Variants in TRABD2B observed in about 807,000 individuals in gnomAD.
TRABD2B encodes the protein metalloprotease TIKI2.
Under a neutral mutation model 40.1 loss-of-function variants are expected in TRABD2B, and 14 were observed. That is an observed-to-expected ratio of 0.35 (90% confidence interval 0.23 to 0.55). The LOEUF is 0.55. Ranked by LOEUF, TRABD2B falls within the 20% of genes least tolerant of loss-of-function variation. The probability of loss-of-function intolerance (pLI) is 0.90; values close to 1 mark genes in which losing one functional copy is unlikely to be tolerated. For synonymous variants in TRABD2B, 263 were observed against 277.0 expected, an observed-to-expected ratio of 0.95 and a Z score of 0.50; for missense variants, 541 against 648.6, an observed-to-expected ratio of 0.83 and a Z score of 1.80.
chr1:47,894,672 A>G (rs1570234887), intron 2 of TRABD2B, among the ~76,000 whole-genome samples: 1 of 152,350 alleles, frequency 6.6e-6, no homozygotes, highest in Non-Finnish European at 1.5e-5. Context: ...CATTGTGTCA[A>G]TTAGCACCCC....
At chr1:47,840,915 C>T (rs966349419) in intron 2 of TRABD2B, among the ~76,000 whole-genome samples, 1 of 152,204 alleles carries the variant, frequency 6.6e-6, no homozygotes, top group Non-Finnish European at 1.5e-5. Context: ...GCCTTTTTGA[C>T]CTTCTGAACC....
chr1:47,949,264 G>A (rs11211633), intron 2 of TRABD2B, among the ~76,000 whole-genome samples: 30,105 of 151,890 alleles, frequency 0.2, 3,391 homozygotes, highest in Admixed American at 0.26. Flanking sequence ...GGAAACTGAG[G>A]CCCAGAGAGC....
chr1:47,907,012 T>G (rs1644687761), intron 2 of TRABD2B, among the ~76,000 whole-genome samples: 1 of 152,160 alleles, frequency 6.6e-6, no homozygotes, highest in Non-Finnish European at 1.5e-5. Flanking sequence ...GGCGGTCTCC[T>G]GCCTGTACAT....
intron 2 of TRABD2B, among the ~76,000 whole-genome samples, chr1:47,944,251 GAA>G (rs762695622): frequency 1.4e-4 from 22 of 152,290 alleles, no homozygotes; most frequent in Admixed American, 2.6e-4. Context: ...TAGGTCCTAT[GAA>G]AAGAGAGCAA....
chr1:47,917,814 G>A (rs1016158058), intron 2 of TRABD2B, among the ~76,000 whole-genome samples: 8 of 152,144 alleles, frequency 5.3e-5, no homozygotes, highest in African/African-American at 1.9e-4. Context: ...AAATACTCCC[G>A]GATTCTTTAT....
At position 47,996,857 on chromosome 1, in the gene TRABD2B, C is replaced by G. The variant is rs1646100946; in HGVS notation, c.-68G>C. 1 of 1,156,046 alleles carries G rather than the reference C, an allele frequency of 8.7e-7. No homozygotes were observed. The highest frequency in any genetic ancestry group is 1.1e-6 in the Non-Finnish European group (1 of 939,736). 71.6% of individuals were successfully genotyped at this position (1,156,046 alleles called of 1,614,324 possible). A position where few individuals can be genotyped will look rare whatever the true frequency, so the allele number is the denominator to read the frequency against. On this transcript the variant is annotated 5_prime_UTR_variant, in exon 1 of 7. Transcript: ENST00000606738. This position sits in a 1 kb window ranked among gnomAD's most constrained non-coding sequence, Gnocchi z 4.6. ...GCCCCTCAGCGGGGCGGGGAGCCCC[C>G]AGTTGGGCACGGAGTTTCCTCTGGA... is the stretch of plus-strand genomic sequence containing the variant.
intron 2 of TRABD2B, among the ~76,000 whole-genome samples, chr1:47,959,067 AC>A (rs1255680650): frequency 2.0e-4 from 30 of 152,168 alleles, no homozygotes; most frequent in Admixed American, 2.0e-3. Context: ...CTCACTCAAA[AC>A]TGCTCAACTA....
chr1:47,839,689 T>C (rs188705496), intron 2 of TRABD2B, among the ~76,000 whole-genome samples: 214 of 152,210 alleles, frequency 1.4e-3, no homozygotes, highest in Non-Finnish European at 2.7e-3. Flanking sequence ...ATGGAGTGCG[T>C]GGGAACTTTG....
At chr1:47,979,303 T>C (rs1320651949) in intron 2 of TRABD2B, among the ~76,000 whole-genome samples, 1 of 152,194 alleles carries the variant, frequency 6.6e-6, no homozygotes, top group Non-Finnish European at 1.5e-5. Flanking sequence ...AAGCCAGGTG[T>C]CAGGGAAACC....
chr1:47,808,539 A>G (rs1644921933), intron 2 of TRABD2B, among the ~76,000 whole-genome samples: 1 of 152,180 alleles, frequency 6.6e-6, no homozygotes, highest in African/African-American at 2.4e-5. Context: ...CCAACAAGGA[A>G]GACAGTGATG....
chr1:47,785,170 G>A (rs1403145658), intron 4 of TRABD2B, among the ~76,000 whole-genome samples: 1 of 152,336 alleles, frequency 6.6e-6, no homozygotes, highest in African/African-American at 2.4e-5. Flanking sequence ...AATAGTGAGG[G>A]TTGGAACACG....
intron 2 of TRABD2B, among the ~76,000 whole-genome samples, chr1:47,856,763 C>A (rs1007437911): frequency 6.6e-6 from 1 of 152,224 alleles, no homozygotes; most frequent in South Asian, 2.1e-4. Context: ...AGATTTATTA[C>A]TCCCACAAAC....
At chr1:47,947,771 T>C (rs1447945205) in intron 2 of TRABD2B, among the ~76,000 whole-genome samples, 1 of 152,184 alleles carries the variant, frequency 6.6e-6, no homozygotes, top group Non-Finnish European at 1.5e-5. Flanking sequence ...ATAGCTCACA[T>C]CTGCAGAGCA....
At chr1:47,825,513 A>C (rs1460655838) in intron 2 of TRABD2B, among the ~76,000 whole-genome samples, 1 of 152,182 alleles carries the variant, frequency 6.6e-6, no homozygotes, top group Non-Finnish European at 1.5e-5. Context: ...CCTCCTGCCA[A>C]ACCTCCACCT....
chr1:47,911,754 C>A (rs1029606885), intron 2 of TRABD2B, among the ~76,000 whole-genome samples: 7 of 152,202 alleles, frequency 4.6e-5, no homozygotes, highest in African/African-American at 1.7e-4. Context: ...TCCACCAGGA[C>A]GGGCTACATA....
rs1644282988 is a variant in TRABD2B at position 47,764,851 on chromosome 1, G to C, written c.*1051C>G. ...TCCCTTCGCCTCTTTGGGGGGCTCAGTTTCCTCATCTGTGAAATGGGGATA... is the reference window on the plus strand; with the variant it reads ...TCCCTTCGCCTCTTTGGGGGGCTCACTTTCCTCATCTGTGAAATGGGGATA... On this transcript the variant is annotated 3_prime_UTR_variant, in exon 7 of 7. Coordinates refer to ENST00000606738, the MANE Select transcript of TRABD2B (RefSeq NM_001194986.2). The C allele has an allele frequency of 6.6e-6, 1 of 152,244 alleles. No homozygotes were observed. The highest frequency in any genetic ancestry group is 1.5e-5 in the Non-Finnish European group (1 of 68,082). 9.4% of individuals were successfully genotyped at this position (152,244 alleles called of 1,614,324 possible). A position where few individuals can be genotyped will look rare whatever the true frequency, so the allele number is the denominator to read the frequency against.
At chr1:47,835,838 A>T (rs906583066) in intron 2 of TRABD2B, among the ~76,000 whole-genome samples, 1 of 152,244 alleles carries the variant, frequency 6.6e-6, no homozygotes, top group South Asian at 2.1e-4. Flanking sequence ...AAAGGGTACC[A>T]GTAAAGATAA....
rs4926685 is a variant in TRABD2B at position 47,917,042 on chromosome 1, C to T, written c.666+76992G>A. ...AGGTTAAGTGATTTGTTCAAGACCA[C>T]GCACAGCTCCTGCAGAGCAGGGTCA... On this transcript the variant is annotated intron_variant, in intron 2 of 6. Transcript: ENST00000606738. 9.1e-3 allele frequency among the ~76,000 whole-genome samples: 1,388 copies of T among 152,350 alleles called. 65 individuals carry two copies. The highest frequency in any genetic ancestry group is 0.08 in the Admixed American group (1,227 of 15,304).
chr1:47,800,456 C>G (rs1241839362), intron 3 of TRABD2B, among the ~76,000 whole-genome samples: 2 of 152,152 alleles, frequency 1.3e-5, no homozygotes, highest in Non-Finnish European at 2.9e-5. Context: ...GTTCGCACAC[C>G]AGCAAGAAGG....
Sources: allele counts gnomAD v4.1 joint callset (sites outside exome capture counted in the v4.1 genomes callset), GRCh38; gene constraint gnomAD v4.1.1; non-coding constraint Gnocchi (gnomAD v3.1); transcripts MANE v1.5; gene names NCBI Gene and HGNC (gene_info 2026-07-23, HGNC 2026-07-21).